RAB3IL1: variants seen among roughly 807,000 people sequenced by gnomAD.
The protein encoded by RAB3IL1 is guanine nucleotide exchange factor for Rab-3A.
A neutral mutation model predicts 49.2 loss-of-function variants in RAB3IL1; 37 were observed. That is an observed-to-expected ratio of 0.75 (90% confidence interval 0.58 to 0.99). The LOEUF (loss-of-function observed/expected upper bound fraction) is 0.99. Among genes scored for constraint, RAB3IL1 ranks in the 50% least tolerant of loss-of-function variants. The pLI, the probability that RAB3IL1 is intolerant of heterozygous loss-of-function variation, is 0.00. For synonymous variants in RAB3IL1, 193 were observed against 213.9 expected (o/e 0.90, Z 0.85); for missense variants, 484 against 513.0 (o/e 0.94, Z 0.55).
chr11:61,933,643 T>C, the RAB3IL1 span, among the ~76,000 whole-genome samples: 1 of 151,978 alleles, frequency 6.6e-6, no homozygotes, highest in African/African-American at 2.4e-5. Flanking sequence ...AGCTTTGGAA[T>C]TGGGTAATGA....
the RAB3IL1 span, among the ~76,000 whole-genome samples, chr11:61,941,433 C>A: frequency 2.0e-5 from 3 of 152,156 alleles, no homozygotes; most frequent in African/African-American, 7.2e-5. Flanking sequence ...AAAACTAAAG[C>A]CAGACAATAT....
chr11:61,904,384 G>T (rs149156739), intron 7 of RAB3IL1, among the ~76,000 whole-genome samples, 162 bp downstream of exon 7: 1 of 152,316 alleles, frequency 6.6e-6, no homozygotes, highest in Non-Finnish European at 1.5e-5. Context: ...AAGCCTGGGG[G>T]TCCACAGGAA....
the RAB3IL1 span, among the ~76,000 whole-genome samples, chr11:61,945,304 A>T: frequency 6.6e-6 from 1 of 152,176 alleles, no homozygotes; most frequent in Admixed American, 6.5e-5. Flanking sequence ...ACACCTGGTA[A>T]GTGGTCAAGA....
chr11:61,928,124 G>C, the RAB3IL1 span, among the ~76,000 whole-genome samples: 1 of 151,526 alleles, frequency 6.6e-6, no homozygotes, highest in Non-Finnish European at 1.5e-5. Context: ...CCTTAGGGAT[G>C]TGGTGGACTT....
intron 1 of RAB3IL1, among the ~76,000 whole-genome samples, chr11:61,912,375 G>A (rs1249615608): frequency 6.6e-6 from 1 of 152,222 alleles, no homozygotes; most frequent in African/African-American, 2.4e-5. Flanking sequence ...GGAGTCCCAG[G>A]AAAGGGTTGG....
At chr11:61,934,426 A>ATGTGTGTGTG in the RAB3IL1 span, among the ~76,000 whole-genome samples, 13 of 41,830 alleles carry the variant, frequency 3.1e-4, no homozygotes, top group African/African-American at 8.5e-4. Context: ...ATATATGTGT[A>ATGTGTGTGTG]TGTGTGTGTG....
intron 1 of RAB3IL1, among the ~76,000 whole-genome samples, chr11:61,911,933 C>A (rs1939469488): frequency 6.6e-6 from 1 of 152,168 alleles, no homozygotes; most frequent in Admixed American, 6.5e-5. Context: ...TTGCCCCGAC[C>A]CACAAAATAA....
In RAB3IL1 at chr11:61,913,507, G is replaced by A. The variant is rs376141295; in HGVS notation, c.11+3850C>T. On this transcript the variant is annotated intron_variant, in intron 1 of 9. Transcript: ENST00000394836. ...AGGTGAGTCAGGCCACGCCTCCGCC[G>A]GCCATAGCCCCAGGCCACCAGGCCA... Among the ~76,000 whole-genome samples, 54 of 152,234 alleles carry A rather than the reference G, an allele frequency of 3.5e-4. No individual in the cohort carries two copies. In the Middle Eastern group the frequency reaches 0.01, roughly 29 times the overall value.
chr11:61,900,987 GTCTCGGT>G (rs1354911150), intron 8 of RAB3IL1, among the ~76,000 whole-genome samples: 2 of 152,024 alleles, frequency 1.3e-5, no homozygotes, highest in Non-Finnish European at 2.9e-5. Context: ...AGGATCCCAG[GTCTCGGT>G]GTGTGGCCCT....
chr11:61,943,460 A>C, the RAB3IL1 span, among the ~76,000 whole-genome samples: 1 of 152,242 alleles, frequency 6.6e-6, no homozygotes, highest in African/African-American at 2.4e-5. Context: ...TTAAAATTTT[A>C]ATGTTTAAAA....
At chr11:61,907,797 C>T in intron 2 of RAB3IL1, 137 bp from the exon 3 acceptor site, 1 of 927,358 alleles carries the variant, frequency 1.1e-6, no homozygotes, top group Non-Finnish European at 1.6e-6. Flanking sequence ...TGGTGCCTGA[C>T]AGTTTGTGAT....
chr11:61,934,444 G>GTGTGTAGTGTATGTA, the RAB3IL1 span, among the ~76,000 whole-genome samples: 1 of 83,662 alleles, frequency 1.2e-5, no homozygotes, highest in Non-Finnish European at 2.5e-5. Flanking sequence ...GTGTGTGTGT[G>GTGTGTAGTGTATGTA]TGTATGTATA....
At chr11:61,900,801 C>A (rs1478860561) in intron 8 of RAB3IL1, among the ~76,000 whole-genome samples, 1 of 152,206 alleles carries the variant, frequency 6.6e-6, no homozygotes, top group South Asian at 2.1e-4. Flanking sequence ...AGCAGGACAC[C>A]CAGGCCAGGG....
the RAB3IL1 span, among the ~76,000 whole-genome samples, chr11:61,944,120 A>G: frequency 1.3e-5 from 2 of 151,900 alleles, no homozygotes; most frequent in South Asian, 4.2e-4. Context: ...TTTGTGCATC[A>G]AGGAACCTCC....
At chr11:61,938,509 T>C in the RAB3IL1 span, among the ~76,000 whole-genome samples, 3 of 152,162 alleles carry the variant, frequency 2.0e-5, no homozygotes, top group Non-Finnish European at 2.9e-5. Context: ...CATTTTGTAA[T>C]GATAAAAGGT....
At chr11:61,934,120 T>C in the RAB3IL1 span, among the ~76,000 whole-genome samples, 9 of 151,884 alleles carry the variant, frequency 5.9e-5, no homozygotes, top group African/African-American at 2.2e-4. Flanking sequence ...AATTTGTGAG[T>C]GATGCACTTG....
chr11:61,905,027 A>C, intron 5 of RAB3IL1, 145 bp from the exon 6 acceptor site: 1 of 637,206 alleles, frequency 1.6e-6, no homozygotes, highest in Non-Finnish European at 2.8e-6. Context: ...CGTGCAGGGA[A>C]GCCAAGTCCA....
chr11:61,909,730 G>A (rs1939375101), intron 1 of RAB3IL1, among the ~76,000 whole-genome samples: 1 of 152,246 alleles, frequency 6.6e-6, no homozygotes, highest in African/African-American at 2.4e-5. Context: ...CTATGGCGGA[G>A]CCCTGGGCTG....
At chr11:61,917,329 GC>G in intron 1 of RAB3IL1, 27 bp downstream of exon 1, 1 of 1,320,442 alleles carries the variant, frequency 7.6e-7, no homozygotes, top group Non-Finnish European at 9.7e-7. Flanking sequence ...CAGACCCAGC[GC>G]GGGACCGCGA....
Sources: allele counts gnomAD v4.1 joint callset (sites outside exome capture counted in the v4.1 genomes callset), GRCh38; gene constraint gnomAD v4.1.1; transcripts MANE v1.5; gene names NCBI Gene and HGNC (gene_info 2026-07-23, HGNC 2026-07-21).